Variants in CSMD1 observed in about 807,000 individuals in gnomAD.
CSMD1 encodes the protein CUB and sushi domain-containing protein 1.
CSMD1 carries 213 observed loss-of-function variants against 417.5 expected under a neutral mutation model. That is an observed-to-expected ratio of 0.51 (90% confidence interval 0.46 to 0.57). The LOEUF (loss-of-function observed/expected upper bound fraction) is 0.57. Among genes scored for constraint, CSMD1 ranks in the 20% least tolerant of loss-of-function variants. CSMD1 has a pLI of 0.00. For synonymous variants in CSMD1, 2,862 were observed against 1,736.8 expected, an observed-to-expected ratio of 1.65 and a Z score of -16.11; for missense variants, 6,923 against 4,529.7, an observed-to-expected ratio of 1.53 and a Z score of -15.17.
intron 1 of CSMD1, among the ~76,000 whole-genome samples, chr8:4,707,231 T>C (rs555410346): frequency 2.0e-5 from 3 of 152,348 alleles, no homozygotes; most frequent in Admixed American, 6.5e-5. Context: ...ATACATTATC[T>C]CATTTTCATT....
At chr8:3,682,477 C>T (rs1426118075) in intron 7 of CSMD1, among the ~76,000 whole-genome samples, 5 of 152,146 alleles carry the variant, frequency 3.3e-5, no homozygotes, top group African/African-American at 1.2e-4. Context: ...AAATGCAAAT[C>T]ACAACCACAA....
At chr8:3,965,334 G>C (rs937354454) in intron 5 of CSMD1, among the ~76,000 whole-genome samples, 3 of 152,246 alleles carry the variant, frequency 2.0e-5, no homozygotes, top group South Asian at 2.1e-4. Context: ...AATGTTCTTT[G>C]ATGCTTAAAT....
rs1424344451 is a variant in CSMD1 at position 3,047,973 on chromosome 8, G to A, written c.7660+4489C>T. Among the ~76,000 whole-genome samples the A allele has an allele frequency of 2.6e-5, 4 of 152,214 alleles. No individual in the cohort carries two copies. In the South Asian group the frequency reaches 8.3e-4, roughly 31 times the overall value. ...TCAACTTGACGGTGATAGACTGAAG[G>A]TTCTTGTTCATTTTGTCAATCTGTG... is the stretch of plus-strand genomic sequence containing the variant. On this transcript the variant is annotated intron_variant, in intron 50 of 69. Transcript: ENST00000635120.
At chr8:4,124,901 G>A (rs530195838) in intron 3 of CSMD1, among the ~76,000 whole-genome samples, 60 of 152,266 alleles carry the variant, frequency 3.9e-4, no homozygotes, top group Non-Finnish European at 1.6e-4. Flanking sequence ...GTTATAAGGA[G>A]ATATAAGCAT....
chr8:3,826,000 T>C (rs1040320972), intron 5 of CSMD1, among the ~76,000 whole-genome samples: 2 of 152,228 alleles, frequency 1.3e-5, no homozygotes, highest in Non-Finnish European at 2.9e-5. Flanking sequence ...TCTTTATCAC[T>C]TTATTCACTT....
intron 1 of CSMD1, among the ~76,000 whole-genome samples, chr8:4,817,414 C>T (rs1296066278): frequency 6.6e-6 from 1 of 152,200 alleles, no homozygotes; most frequent in Non-Finnish European, 1.5e-5. Flanking sequence ...GTCTCTGGCA[C>T]AGCACAGCAA....
At chr8:4,652,468 C>A (rs569990029) in intron 1 of CSMD1, among the ~76,000 whole-genome samples, 1 of 151,898 alleles carries the variant, frequency 6.6e-6, no homozygotes, top group East Asian at 1.9e-4. Context: ...TGCAGCCTAC[C>A]AGAAAGAACC....
chr8:4,375,445 G>A (rs1802671393), intron 3 of CSMD1, among the ~76,000 whole-genome samples: 1 of 152,114 alleles, frequency 6.6e-6, no homozygotes, highest in Non-Finnish European at 1.5e-5. Context: ...GGAAACCAGA[G>A]CTGTCCTCAC....
intron 3 of CSMD1, among the ~76,000 whole-genome samples, chr8:4,190,760 C>G (rs1394036718): frequency 6.6e-6 from 1 of 152,092 alleles, no homozygotes; most frequent in East Asian, 1.9e-4. Flanking sequence ...TTAAACAGTA[C>G]TATGCGGCCA....
In CSMD1 at chr8:4,032,042, C is replaced by G. The variant is rs375282959; in HGVS notation, c.473G>C (p.Gly158Ala). The G allele has an allele frequency of 1.2e-6, 2 of 1,613,864 alleles. No individual in the cohort carries two copies. The highest frequency in any genetic ancestry group is 1.7e-6 in the Non-Finnish European group (2 of 1,179,842). Reference protein sequence around the residue: ...PGEILKGVLHGTRFNIGDKIR... With the variant: ...PGEILKGVLHATRFNIGDKIR... ...TTTGTCTCCTATGTTGAATCTCGTT[C>G]CATGCAGAACTCCTTTCAGGATTTC... The change falls in exon 4 of 70, where the codon GGA (glycine) becomes GCA (alanine). Residue 158 changes from glycine (G) to alanine (A), a missense_variant. By Grantham distance (60) the Gly-to-Ala change is moderately conservative. Coordinates refer to ENST00000635120, the MANE Select transcript of CSMD1 (RefSeq NM_033225.6).
intron 10 of CSMD1, among the ~76,000 whole-genome samples, chr8:3,563,699 G>A (rs1034684241): frequency 2.0e-5 from 3 of 152,038 alleles, no homozygotes; most frequent in African/African-American, 7.2e-5. Context: ...GACCAGCCTG[G>A]CCAATGTAGT....
intron 13 of CSMD1, 120 bp downstream of exon 13, chr8:3,409,303 C>T (rs1311436396): frequency 1.5e-5 from 13 of 852,530 alleles, no homozygotes; most frequent in Non-Finnish European, 2.1e-5. Flanking sequence ...GTAAATGTGG[C>T]ACCCCGAGCC....
chr8:4,965,601 T>G (rs1333522968), intron 1 of CSMD1, among the ~76,000 whole-genome samples: 1 of 152,222 alleles, frequency 6.6e-6, no homozygotes, highest in Non-Finnish European at 1.5e-5. Context: ...AGAACTGGGT[T>G]TGTCCCTGAA....
chr8:4,005,423 C>T (rs752766884), intron 4 of CSMD1, among the ~76,000 whole-genome samples: 1 of 152,196 alleles, frequency 6.6e-6, no homozygotes, highest in Admixed American at 6.5e-5. Flanking sequence ...ACCAATTAGA[C>T]ACAGACAAGT....
intron 5 of CSMD1, among the ~76,000 whole-genome samples, chr8:3,793,759 G>C (rs983214256): frequency 2.6e-5 from 4 of 152,218 alleles, no homozygotes; most frequent in African/African-American, 7.2e-5. Context: ...TCTGGAACTG[G>C]TAGGAACTTG....
chr8:3,988,887 A>G (rs913090086), intron 5 of CSMD1, among the ~76,000 whole-genome samples: 1 of 152,220 alleles, frequency 6.6e-6, no homozygotes, highest in Admixed American at 6.5e-5. Flanking sequence ...CACAATTCAT[A>G]ACCAAAGTAA....
chr8:3,282,310 G>C (rs902686349), intron 26 of CSMD1, among the ~76,000 whole-genome samples: 1 of 152,066 alleles, frequency 6.6e-6, no homozygotes, highest in African/African-American at 2.4e-5. Context: ...TGTGGACAGA[G>C]AGCACGTGGG....
chr8:3,704,527 C>A (rs1278078199), intron 7 of CSMD1, among the ~76,000 whole-genome samples: 1 of 152,190 alleles, frequency 6.6e-6, no homozygotes, highest in South Asian at 2.1e-4. Flanking sequence ...GTGACTCAAA[C>A]AGCTAGAGAG....
At chr8:4,563,039 T>A (rs1320518630) in intron 2 of CSMD1, among the ~76,000 whole-genome samples, 2 of 152,222 alleles carry the variant, frequency 1.3e-5, no homozygotes, top group Non-Finnish European at 2.9e-5. Context: ...CAGTGTTTTA[T>A]TTGTATTAAC....
Sources: allele counts gnomAD v4.1 joint callset (sites outside exome capture counted in the v4.1 genomes callset), GRCh38; gene constraint gnomAD v4.1.1; transcripts MANE v1.5; gene names NCBI Gene and HGNC (gene_info 2026-07-23, HGNC 2026-07-21).